Variants in PDE1A observed in about 807,000 individuals in gnomAD.
The protein encoded by PDE1A is dual specificity calcium/calmodulin-dependent 3',5'-cyclic nucleotide phosphodiesterase 1A.
PDE1A carries 35 observed loss-of-function variants against 61.7 expected under a neutral mutation model. The ratio of observed to expected loss-of-function variants is 0.57; its 90% CI spans 0.43 to 0.75. The LOEUF (loss-of-function observed/expected upper bound fraction) is 0.75, where lower values mean the gene tolerates loss of function less well. PDE1A is among the 30% of genes least tolerant of loss of function. The pLI, the probability that PDE1A is intolerant of heterozygous loss-of-function variation, is 0.00. For synonymous variants in PDE1A, 232 were observed against 213.2 expected (o/e 1.09, Z -0.77); for missense variants, 597 against 630.6 (o/e 0.95, Z 0.57).
At chr2:182,567,470 C>T in the PDE1A span, among the ~76,000 whole-genome samples, 1 of 152,180 alleles carries the variant, frequency 6.6e-6, no homozygotes, top group African/African-American at 2.4e-5. Context: ...AAAATCTTTA[C>T]TCATTTAGAC....
intron 1 of PDE1A, among the ~76,000 whole-genome samples, chr2:182,394,223 C>T (rs971081379): frequency 6.6e-6 from 1 of 152,196 alleles, no homozygotes; most frequent in African/African-American, 2.4e-5. Context: ...CACAGTTCCA[C>T]ATTAACTGTT....
At chr2:182,312,567 C>T (rs2623426) in intron 1 of PDE1A, among the ~76,000 whole-genome samples, 141,404 of 152,174 alleles carry the variant, frequency 0.93, 66,328 homozygotes, top group East Asian at 0.99. Context: ...AAGCTATTAT[C>T]TCTCCACTGA....
At chr2:182,169,922 GCACACACACACA>G (rs1052290375) in intron 13 of PDE1A, among the ~76,000 whole-genome samples, 1 of 87,666 alleles carries the variant, frequency 1.1e-5, no homozygotes, top group Non-Finnish European at 2.9e-5. Context: ...ACACACACAC[GCACACACACACA>G]CACACTCTCC....
intron 2 of PDE1A, among the ~76,000 whole-genome samples, chr2:182,493,961 A>G (rs1290444658): frequency 6.6e-6 from 1 of 152,230 alleles, no homozygotes; most frequent in Non-Finnish European, 1.5e-5. Context: ...TTTGCAATGC[A>G]TGCTTTACCA....
chr2:182,404,163 A>G lies in PDE1A; in HGVS notation c.53+22415T>C, dbSNP rs1702176208. 8.5e-5 allele frequency among the ~76,000 whole-genome samples: 13 copies of G among 152,312 alleles called. No homozygotes were observed. In the South Asian group the frequency reaches 2.7e-3, roughly 32 times the overall value. On this transcript the variant is annotated intron_variant, in intron 1 of 13. Transcript: ENST00000351439. ...TATGCTTCAAATAGGCTGAAAATTC[A>G]TCCAAGTCTCAAACCTGACGACTCT...
chr2:182,588,115 C>T, the PDE1A span, among the ~76,000 whole-genome samples: 1 of 152,174 alleles, frequency 6.6e-6, no homozygotes, highest in Admixed American at 6.5e-5. Context: ...AGTAACCTTA[C>T]TCAAACCAAA....
intron 6 of PDE1A, among the ~76,000 whole-genome samples, chr2:182,225,556 T>G (rs1689075357): frequency 1.3e-5 from 2 of 151,946 alleles, no homozygotes. Context: ...GACCATGGAA[T>G]CAGTCCTGGT....
rs571855379 is a variant in PDE1A at position 182,469,380 on chromosome 2, T to C, written c.101+52896A>G. On this transcript the variant is annotated intron_variant, in intron 2 of 14. Transcript: ENST00000410103. The stretch of plus-strand genomic sequence containing the variant: ...AGACAGCTTCTTTCCTTAAACCTCA[T>C]GAACCAGCCTCTGCTAGCTTCAGAC... Among the ~76,000 whole-genome samples the C allele has an allele frequency of 2.5e-4, 38 of 152,084 alleles. No individual in the cohort carries two copies. The South Asian group carries it at 7.7e-3, about 31-fold the overall frequency.
Position 182,419,558 on chromosome 2 carries a change from C to T in PDE1A, c.53+7020G>A, listed in dbSNP as rs920869884. Reference sequence around the variant, plus strand: ...GAAACAAGAACCAAGTACTCATCCTCCTAGTATACCTCTTGGATGTAACTG... The same window carrying T: ...GAAACAAGAACCAAGTACTCATCCTTCTAGTATACCTCTTGGATGTAACTG... On this transcript the variant is annotated intron_variant, in intron 1 of 13. Transcript: ENST00000351439. Among the ~76,000 whole-genome samples the T allele has an allele frequency of 5.3e-5, 8 of 152,202 alleles. No individual in the cohort carries two copies. The East Asian group carries it at 1.2e-3, about 22-fold the overall frequency.
chr2:182,210,873 C>G (rs1208254352), intron 7 of PDE1A, among the ~76,000 whole-genome samples: 1 of 149,342 alleles, frequency 6.7e-6, no homozygotes, highest in East Asian at 2.0e-4. Context: ...GCTGATGTGA[C>G]AGAATACCTG....
chr2:182,658,977 G>C, the PDE1A span, among the ~76,000 whole-genome samples: 3 of 151,992 alleles, frequency 2.0e-5, no homozygotes, highest in South Asian at 6.2e-4. Context: ...ACAGGGACTG[G>C]AACACGGAAT....
chr2:182,603,064 C>T, the PDE1A span, among the ~76,000 whole-genome samples: 17 of 151,688 alleles, frequency 1.1e-4, no homozygotes, highest in Admixed American at 3.9e-4. Context: ...AGCTGATATA[C>T]ACTCTCTCTA....
At chr2:182,489,512 G>C (rs1280615491) in intron 2 of PDE1A, among the ~76,000 whole-genome samples, 2 of 152,186 alleles carry the variant, frequency 1.3e-5, no homozygotes, top group Non-Finnish European at 2.9e-5. Context: ...CCAGATGTGA[G>C]AGATGACAGC....
chr2:182,592,642 A>G, the PDE1A span, among the ~76,000 whole-genome samples: 1 of 152,220 alleles, frequency 6.6e-6, no homozygotes, highest in Non-Finnish European at 1.5e-5. Flanking sequence ...AATACAGGAA[A>G]AAAAATAAGG....
chr2:182,714,608 A>C, the PDE1A span, among the ~76,000 whole-genome samples: 1 of 151,780 alleles, frequency 6.6e-6, no homozygotes, highest in Non-Finnish European at 1.5e-5. Flanking sequence ...CTCTGTACCC[A>C]GGCTGGTGTG....
chr2:182,212,623 A>T (rs1353112719), intron 7 of PDE1A, among the ~76,000 whole-genome samples: 1 of 152,212 alleles, frequency 6.6e-6, no homozygotes, highest in Non-Finnish European at 1.5e-5. Context: ...GGGGTCAGGG[A>T]GTTCCCTTTC....
At chr2:182,141,850 A>C (rs576084831) in exon 15 of PDE1A, 1 of 152,350 alleles carries the variant, frequency 6.6e-6, no homozygotes, top group Non-Finnish European at 1.5e-5. Flanking sequence ...ACAAAGATAA[A>C]TTCACTGAAG....
At chr2:182,218,428 A>T (rs930818813) in intron 7 of PDE1A, among the ~76,000 whole-genome samples, 28 of 12,054 alleles carry the variant, frequency 2.3e-3, no homozygotes, top group African/African-American at 4.6e-3. Flanking sequence ...ATAAAAAATT[A>T]AAAAAACAAG....
At chr2:182,298,951 C>T (rs1010341109) in intron 1 of PDE1A, among the ~76,000 whole-genome samples, 2 of 151,962 alleles carry the variant, frequency 1.3e-5, no homozygotes, top group Non-Finnish European at 2.9e-5. Context: ...TATTTGACTA[C>T]AACGGAAATT....
Sources: gnomAD v4.1 joint callset for allele counts (sites outside exome capture counted in the v4.1 genomes callset) on GRCh38, gnomAD v4.1.1 for gene constraint, MANE v1.5 for transcripts, NCBI Gene and HGNC (gene_info 2026-07-23, HGNC 2026-07-21) for gene names.